Variants in ADAMTSL1 observed in about 807,000 individuals in gnomAD.
ADAMTSL1 encodes ADAMTS like 1.
In ADAMTSL1, 126 loss-of-function variants were observed where a neutral mutation model predicts 201.8. The ratio of observed to expected loss-of-function variants is 0.62; its 90% CI spans 0.54 to 0.72. ADAMTSL1 has a LOEUF of 0.72. Among genes scored for constraint, ADAMTSL1 ranks in the 30% least tolerant of loss-of-function variants. The probability of loss-of-function intolerance (pLI) is 0.00; values close to 1 mark genes in which losing one functional copy is unlikely to be tolerated. For synonymous variants in ADAMTSL1, 1,121 were observed against 903.4 expected, an observed-to-expected ratio of 1.24 and a Z score of -4.32; for missense variants, 2,679 against 2,277.8, an observed-to-expected ratio of 1.18 and a Z score of -3.59.
At chr9:18,621,138 T>C (rs549767810) in intron 4 of ADAMTSL1, among the ~76,000 whole-genome samples, 4 of 152,148 alleles carry the variant, frequency 2.6e-5, no homozygotes, top group African/African-American at 9.6e-5. Context: ...TCAAAGAGAG[T>C]AATTGAAATA....
intron 13 of ADAMTSL1, among the ~76,000 whole-genome samples, chr9:18,687,826 C>A (rs1030785296): frequency 6.6e-6 from 1 of 152,060 alleles, no homozygotes; most frequent in East Asian, 1.9e-4. Context: ...ATAAATAACA[C>A]GTTATAGACC....
chr9:18,267,218 C>A (rs182542596), intron 2 of ADAMTSL1, among the ~76,000 whole-genome samples: 54 of 152,238 alleles, frequency 3.5e-4, no homozygotes, highest in African/African-American at 1.3e-3. Flanking sequence ...GTTGCAGTGT[C>A]ATTTGGGGAC....
At chr9:18,225,139 T>C (rs1168850940) in intron 2 of ADAMTSL1, among the ~76,000 whole-genome samples, 1 of 152,182 alleles carries the variant, frequency 6.6e-6, no homozygotes, top group African/African-American at 2.4e-5. Context: ...AGGTTAAATA[T>C]ATGGACTTTG....
intron 2 of ADAMTSL1, among the ~76,000 whole-genome samples, chr9:18,418,094 AAAG>A (rs1171384613): frequency 7.9e-5 from 12 of 152,234 alleles, no homozygotes; most frequent in Non-Finnish European, 1.6e-4. Context: ...TGTAAAGAAG[AAAG>A]AAGAAGTAAA....
chr9:18,427,971 T>C (rs957907803), intron 2 of ADAMTSL1, among the ~76,000 whole-genome samples: 2 of 152,226 alleles, frequency 1.3e-5, no homozygotes, highest in African/African-American at 4.8e-5. Flanking sequence ...AAGTCTGATG[T>C]CTGCAAAGCT....
rs766909100 is a variant in ADAMTSL1, at chr9:18,688,978, T to C, written c.1574+4178T>C. Among the ~76,000 whole-genome samples, 9 of 152,070 alleles carry C rather than the reference T, an allele frequency of 5.9e-5. No individual in the cohort carries two copies. In the East Asian group the frequency reaches 1.7e-3, roughly 29 times the overall value. Reference sequence around the variant, plus strand: ...CAAACTATGTCATTTCGAATTTCCCTCCAGCTGTTGAGAGTGTTGTTAGAT... The same window carrying C: ...CAAACTATGTCATTTCGAATTTCCCCCCAGCTGTTGAGAGTGTTGTTAGAT... On this transcript the variant is annotated intron_variant, in intron 13 of 28. Transcript: ENST00000380548.
intron 7 of ADAMTSL1, among the ~76,000 whole-genome samples, chr9:18,647,132 G>A (rs1040444133): frequency 6.9e-5 from 5 of 72,642 alleles, no homozygotes; most frequent in East Asian, 1.5e-3. Flanking sequence ...TGTATGTGTC[G>A]AGGAATTTAC....
At chr9:18,044,598 G>A (rs1821578716) in intron 1 of ADAMTSL1, among the ~76,000 whole-genome samples, 2 of 152,236 alleles carry the variant, frequency 1.3e-5, no homozygotes, top group South Asian at 4.2e-4. Flanking sequence ...ACCAATTAGT[G>A]TGAAAAGATT....
intron 23 of ADAMTSL1, among the ~76,000 whole-genome samples, chr9:18,861,739 G>C (rs1480408616): frequency 6.6e-6 from 1 of 152,062 alleles, no homozygotes; most frequent in Non-Finnish European, 1.5e-5. Flanking sequence ...CGCTCTTTGG[G>C]CTTGGCTGCC....
chr9:18,397,134 C>T (rs934574188), intron 2 of ADAMTSL1, among the ~76,000 whole-genome samples: 36 of 152,020 alleles, frequency 2.4e-4, no homozygotes, highest in Admixed American at 2.2e-3. Context: ...ATTTCTTATC[C>T]GATTTTTGTT....
chr9:18,908,380 C>G, intron 28 of ADAMTSL1, 62 bp from the exon 29 acceptor site: 11 of 1,398,826 alleles, frequency 7.9e-6, no homozygotes, highest in Non-Finnish European at 9.9e-6. Flanking sequence ...AGGCTGCGTT[C>G]ATTAGTCTCT....
At chr9:18,725,485 T>C (rs966452447) in intron 15 of ADAMTSL1, among the ~76,000 whole-genome samples, 7 of 152,190 alleles carry the variant, frequency 4.6e-5, no homozygotes, top group Non-Finnish European at 8.8e-5. Context: ...TAATGAGTAA[T>C]TTGTGTGTCT....
At chr9:17,990,175 G>T (rs939936903) in intron 1 of ADAMTSL1, among the ~76,000 whole-genome samples, 2 of 151,970 alleles carry the variant, frequency 1.3e-5, no homozygotes, top group Non-Finnish European at 2.9e-5. Flanking sequence ...AAGCCATCTT[G>T]TAGGTTTCTC....
chr9:18,354,048 CATATAT>C (rs10623938), intron 2 of ADAMTSL1, among the ~76,000 whole-genome samples: 4 of 142,576 alleles, frequency 2.8e-5, no homozygotes, highest in South Asian at 2.2e-4. Flanking sequence ...TTTTTCTATA[CATATAT>C]ATATATATAT....
intron 13 of ADAMTSL1, among the ~76,000 whole-genome samples, chr9:18,693,786 G>A (rs1371562639): frequency 6.6e-6 from 1 of 152,168 alleles, no homozygotes; most frequent in Non-Finnish European, 1.5e-5. Flanking sequence ...ATAAAGATTT[G>A]CATTGTGATT....
chr9:18,721,696 A>T, intron 15 of ADAMTSL1, 31 bp downstream of exon 15: 1 of 1,611,140 alleles, frequency 6.2e-7, no homozygotes, highest in South Asian at 1.1e-5. Flanking sequence ...CCTGCTGTCC[A>T]GGGGCACGTA....
intron 1 of ADAMTSL1, among the ~76,000 whole-genome samples, chr9:18,053,763 T>G (rs992166478): frequency 6.6e-6 from 1 of 152,236 alleles, no homozygotes; most frequent in Non-Finnish European, 1.5e-5. Flanking sequence ...TACTGAGCAC[T>G]CTTGATGTAC....
intron 4 of ADAMTSL1, among the ~76,000 whole-genome samples, chr9:18,607,456 G>A (rs1356643656): frequency 7.9e-5 from 12 of 151,988 alleles, no homozygotes; most frequent in Non-Finnish European, 1.5e-4. Flanking sequence ...TGAAAAGAAC[G>A]CATTGCATAT....
chr9:18,006,543 GATGA>G (rs2131545598), intron 1 of ADAMTSL1, among the ~76,000 whole-genome samples: 1 of 151,996 alleles, frequency 6.6e-6, no homozygotes, highest in South Asian at 2.1e-4. Context: ...TCGATAAATT[GATGA>G]ATAAAATAAT....
Sources: gnomAD v4.1 joint callset for allele counts (sites outside exome capture counted in the v4.1 genomes callset) on GRCh38, gnomAD v4.1.1 for gene constraint, MANE v1.5 for transcripts, NCBI Gene and HGNC (gene_info 2026-07-23, HGNC 2026-07-21) for gene names.